The following EYS variants were observed in gnomAD, a reference collection of about 807,000 sequenced individuals.
EYS encodes the protein EGF-like photoreceptor maintenance factor.
In EYS, 250 loss-of-function variants were observed where a neutral mutation model predicts 282.1. The observed-to-expected ratio is 0.89, with a 90% CI of 0.80 to 0.98. The LOEUF (loss-of-function observed/expected upper bound fraction) is 0.98. Among genes scored for constraint, EYS ranks in the 50% least tolerant of loss-of-function variants. The probability of loss-of-function intolerance (pLI) is 0.00; values close to 1 mark genes in which losing one functional copy is unlikely to be tolerated. For synonymous variants in EYS, 1,355 were observed against 1,282.9 expected (o/e 1.06, Z -1.20); for missense variants, 4,016 against 3,709.0 (o/e 1.08, Z -2.15).
chr6:64,062,918 C>T (rs770807601), intron 33 of EYS, among the ~76,000 whole-genome samples: 144 of 152,142 alleles, frequency 9.5e-4, no homozygotes, highest in African/African-American at 2.5e-3. Context: ...TTTCTCTAAT[C>T]GGGCTTCTTC....
intron 2 of EYS, among the ~76,000 whole-genome samples, chr6:65,574,448 T>C (rs376222326): frequency 6.6e-6 from 1 of 152,128 alleles, no homozygotes; most frequent in African/African-American, 2.4e-5. Context: ...TCTATGCAAG[T>C]GGATACCAAA....
At chr6:64,935,755 C>CA (rs1398249998) in intron 15 of EYS, among the ~76,000 whole-genome samples, 1 of 151,110 alleles carries the variant, frequency 6.6e-6, no homozygotes, top group African/African-American at 2.4e-5. Context: ...GAAAGTAACC[C>CA]AAAAAAAGTA....
At position 64,846,714 on chromosome 6, in the gene EYS, T is replaced by C. The variant is rs183859116; in HGVS notation, c.2993-23892A>G. 3.2e-4 allele frequency among the ~76,000 whole-genome samples: 49 copies of C among 152,274 alleles called. 1 individual carries two copies. The highest frequency in any genetic ancestry group is 1.2e-3 in the African/African-American group (48 of 41,572). On this transcript the variant is annotated intron_variant, in intron 19 of 42. Transcript: ENST00000503581. ...TCCCAATATAAAATCTCATTGATTT[T>C]AATATTAAGGTAAATACATTATATT...
chr6:63,722,415 C>A (rs1043799212), intron 42 of EYS, among the ~76,000 whole-genome samples: 2 of 152,112 alleles, frequency 1.3e-5, no homozygotes, highest in Non-Finnish European at 1.5e-5. Context: ...TCTGTCAGTG[C>A]CTTAATATCA....
chr6:63,807,043 A>G (rs986707936), intron 36 of EYS, among the ~76,000 whole-genome samples: 25 of 152,190 alleles, frequency 1.6e-4, no homozygotes, highest in Middle Eastern at 3.4e-3. Flanking sequence ...GTAAAATTAG[A>G]TGAAGTTCAA....
At chr6:63,956,347 C>T (rs1562115747) in intron 35 of EYS, among the ~76,000 whole-genome samples, 1 of 152,120 alleles carries the variant, frequency 6.6e-6, no homozygotes, top group African/African-American at 2.4e-5. Context: ...CTGCCAGAAA[C>T]AACCCCCTTT....
intron 26 of EYS, among the ~76,000 whole-genome samples, chr6:64,444,509 A>C (rs1224079357): frequency 1.3e-5 from 2 of 152,184 alleles, no homozygotes; most frequent in African/African-American, 4.8e-5. Context: ...AATTTTAAAA[A>C]ATTCAGTGGC....
At chr6:64,089,695 T>A in intron 31 of EYS, among the ~76,000 whole-genome samples, 1 of 152,066 alleles carries the variant, frequency 6.6e-6, no homozygotes, top group Admixed American at 6.6e-5. Flanking sequence ...TAAACACTGA[T>A]AAATTTGTTA....
chr6:65,120,151 C>CAAAAAAAAAAAA (rs1170415166), intron 12 of EYS, among the ~76,000 whole-genome samples: 4 of 62,564 alleles, frequency 6.4e-5, no homozygotes, highest in Non-Finnish European at 1.2e-4. Flanking sequence ...GACTCCGTCT[C>CAAAAAAAAAAAA]AAAAAAAAAA....
At position 64,766,649 on chromosome 6, in the gene EYS, A is replaced by ATATATATAT. The variant is rs1554201272; in HGVS notation, c.3443+46728_3443+46729insATATATATA. Among the ~76,000 whole-genome samples, 72 of 19,048 alleles carry ATATATATAT rather than the reference A, an allele frequency of 3.8e-3. 6 individuals carry two copies. Among genetic ancestry groups the ATATATATAT allele is most frequent in the Non-Finnish European group, 5.0e-3 (49 of 9,704 alleles). 12.5% of individuals were successfully genotyped at this position (19,048 alleles called of 152,430 possible). A position where few individuals can be genotyped will look rare whatever the true frequency, so the allele number is the denominator to read the frequency against. ...TCCGTCTCAAAAAAAAAAAAAAAAA[A>ATATATATAT]ATATATATATATATATATATATATA... On this transcript the variant is annotated intron_variant, in intron 22 of 42. Transcript: ENST00000503581.
chr6:65,423,590 G>A lies in EYS; in HGVS notation c.863-18223C>T, dbSNP rs1021760459. Among the ~76,000 whole-genome samples the A allele has an allele frequency of 2.0e-5, 3 of 151,980 alleles. No homozygotes were observed. The East Asian group carries it at 5.8e-4, about 29-fold the overall frequency. ...GTTCCCAGGTGATTCTGATGCTGCT[G>A]ATACAGAACCACACATTATAAACCT... On this transcript the variant is annotated intron_variant, in intron 5 of 42. Transcript: ENST00000503581.
intron 26 of EYS, among the ~76,000 whole-genome samples, chr6:64,503,559 A>G (rs910787056): frequency 1.3e-5 from 2 of 152,152 alleles, no homozygotes; most frequent in African/African-American, 4.8e-5. Flanking sequence ...CAGGTATCTG[A>G]GATCAAATCT....
At chr6:64,111,954 T>G (rs759580556) in intron 31 of EYS, among the ~76,000 whole-genome samples, 144 of 152,228 alleles carry the variant, frequency 9.5e-4, no homozygotes, top group African/African-American at 2.5e-3. Flanking sequence ...CATTAGTGTC[T>G]GCTCATAAGG....
intron 12 of EYS, among the ~76,000 whole-genome samples, chr6:65,150,923 C>T (rs536277619): frequency 1.1e-4 from 17 of 151,942 alleles, no homozygotes; most frequent in African/African-American, 3.4e-4. Context: ...TTTATTTTCA[C>T]TTTTTCTTAT....
intron 22 of EYS, among the ~76,000 whole-genome samples, chr6:64,732,731 C>T (rs938053347): frequency 9.3e-5 from 10 of 107,456 alleles, no homozygotes; most frequent in Admixed American, 4.4e-4. Flanking sequence ...GCAGATAATA[C>T]AAATAAATGA....
At chr6:65,681,201 T>TG in intron 1 of EYS, among the ~76,000 whole-genome samples, 1 of 151,770 alleles carries the variant, frequency 6.6e-6, no homozygotes, top group Admixed American at 6.6e-5. Flanking sequence ...TGCCTCCCAT[T>TG]GGCCACCAGT....
At chr6:64,737,996 T>C (rs1466174934) in intron 22 of EYS, among the ~76,000 whole-genome samples, 1 of 152,210 alleles carries the variant, frequency 6.6e-6, no homozygotes, top group Non-Finnish European at 1.5e-5. Context: ...TTCCTTATAG[T>C]CTTTCTTTAG....
intron 12 of EYS, among the ~76,000 whole-genome samples, chr6:65,244,245 C>T (rs1232147498): frequency 2.0e-5 from 3 of 152,070 alleles, no homozygotes; most frequent in Non-Finnish European, 2.9e-5. Context: ...TTCTTTTAGT[C>T]GTTTCACGCA....
At chr6:65,483,521 C>T (rs1446909957) in intron 5 of EYS, among the ~76,000 whole-genome samples, 1 of 151,936 alleles carries the variant, frequency 6.6e-6, no homozygotes, top group Admixed American at 6.6e-5. Flanking sequence ...TTTACTATGG[C>T]TCATTAGAAC....
Sources: gnomAD v4.1 joint callset for allele counts (sites outside exome capture counted in the v4.1 genomes callset) on GRCh38, gnomAD v4.1.1 for gene constraint, MANE v1.5 for transcripts, NCBI Gene and HGNC (gene_info 2026-07-23, HGNC 2026-07-21) for gene names.